The following MORF4L1 variants were observed in gnomAD, a reference collection of about 807,000 sequenced individuals.
MORF4L1 encodes the protein mortality factor 4-like protein 1.
A neutral mutation model predicts 52.9 loss-of-function variants in MORF4L1; 4 were observed. That is an observed-to-expected ratio of 0.08 (90% CI 0.04 to 0.17). The LOEUF is 0.17. Ranked by LOEUF, MORF4L1 falls within the 10% of genes least tolerant of loss-of-function variation. The pLI is 1.00. For synonymous variants in MORF4L1, 123 were observed against 134.8 expected (o/e 0.91, Z 0.61); for missense variants, 214 against 390.4 (o/e 0.55, Z 3.81).
chr15:78,879,381 C>G (rs1039272462), intron 2 of MORF4L1, among the ~76,000 whole-genome samples: 1 of 152,118 alleles, frequency 6.6e-6, no homozygotes, highest in Middle Eastern at 3.2e-3. Flanking sequence ...GCCACCACAC[C>G]TGGCTAATTT....
At chr15:78,879,910 G>C (rs150086538) in intron 2 of MORF4L1, among the ~76,000 whole-genome samples, 19 of 152,114 alleles carry the variant, frequency 1.2e-4, no homozygotes, top group African/African-American at 4.6e-4. Context: ...AACAATTTTC[G>C]AATTGAAGCT....
intron 1 of MORF4L1, among the ~76,000 whole-genome samples, chr15:78,875,177 G>C (rs1424227743): frequency 6.6e-6 from 1 of 152,154 alleles, no homozygotes; most frequent in Non-Finnish European, 1.5e-5. Context: ...GAAACTATTA[G>C]GCTCGTAGGG....
At position 78,885,224 on chromosome 15, in the gene MORF4L1, T is replaced by C. The variant is rs571241407; in HGVS notation, c.156-917T>C. The C allele has an allele frequency of 8.6e-5, 51 of 592,170 alleles. No individual in the cohort carries two copies. The African/African-American group carries it at 8.8e-4, about 10-fold the overall frequency. The allele number at this position is 592,170 out of a possible 1,614,324, so 36.7% of individuals were successfully genotyped here. ...AAAGTCTTAAATTTTTTTTTGTAAT[T>C]GGGTGCCTTGAGAGTACACCTAATT... On this transcript the variant is annotated intron_variant, in intron 3 of 11. Transcript: ENST00000426013.
chr15:78,889,917 AAAT>A (rs1425010450), intron 5 of MORF4L1, among the ~76,000 whole-genome samples: 2 of 152,038 alleles, frequency 1.3e-5, no homozygotes, highest in African/African-American at 2.4e-5. Flanking sequence ...TGTGGTCTAG[AAAT>A]AATAATGTAA....
intron 10 of MORF4L1, 48 bp downstream of exon 10, chr15:78,894,278 T>C: frequency 1.4e-6 from 2 of 1,451,464 alleles, no homozygotes; most frequent in Non-Finnish European, 1.9e-6. Flanking sequence ...TGGGGGGTCT[T>C]CTCTAAATGA....
intron 3 of MORF4L1, among the ~76,000 whole-genome samples, chr15:78,881,900 T>A (rs188108205): frequency 9.8e-5 from 15 of 152,332 alleles, no homozygotes; most frequent in Non-Finnish European, 2.2e-4. Context: ...TCTGTTACTA[T>A]GGAAGGAGTT....
At chr15:78,896,006 T>C (rs1249318354) in intron 11 of MORF4L1, among the ~76,000 whole-genome samples, 7 of 151,964 alleles carry the variant, frequency 4.6e-5, no homozygotes, top group Admixed American at 4.6e-4. Flanking sequence ...AGAGATGGAG[T>C]CTTGCTCTGT....
chr15:78,884,192 A>G (rs1215598774), intron 3 of MORF4L1, among the ~76,000 whole-genome samples: 1 of 135,872 alleles, frequency 7.4e-6, no homozygotes, highest in Non-Finnish European at 1.6e-5. Context: ...CGACAGAGCA[A>G]GACTCCATCT....
chr15:78,893,453 C>A (rs751575107), intron 8 of MORF4L1, 86 bp from the exon 9 acceptor site: 15 of 859,202 alleles, frequency 1.7e-5, no homozygotes, highest in Non-Finnish European at 2.4e-5. Context: ...GTTACTGTTA[C>A]CTGATCTTTG....
intron 3 of MORF4L1, among the ~76,000 whole-genome samples, chr15:78,882,659 A>T (rs1390752534): frequency 1.3e-5 from 2 of 152,212 alleles, no homozygotes; most frequent in East Asian, 1.9e-4. Context: ...ATTTCTCTAC[A>T]GGAAAGATAA....
At chr15:78,879,990 A>T (rs2056572266) in intron 2 of MORF4L1, among the ~76,000 whole-genome samples, 1 of 152,252 alleles carries the variant, frequency 6.6e-6, no homozygotes, top group African/African-American at 2.4e-5. Flanking sequence ...AAAACCAGAT[A>T]GTCATCACTT....
intron 5 of MORF4L1, among the ~76,000 whole-genome samples, chr15:78,887,682 C>A (rs765642448): frequency 6.6e-6 from 1 of 152,216 alleles, no homozygotes; most frequent in Non-Finnish European, 1.5e-5. Flanking sequence ...GCTAAAAATA[C>A]ATACGAATTA....
At chr15:78,874,999 T>A (rs1050891651) in intron 1 of MORF4L1, among the ~76,000 whole-genome samples, 1 of 152,154 alleles carries the variant, frequency 6.6e-6, no homozygotes. Context: ...ATTACAGTTA[T>A]GGAAGATGTT....
intron 1 of MORF4L1, among the ~76,000 whole-genome samples, chr15:78,875,559 C>A (rs2056469394): frequency 6.6e-6 from 1 of 152,042 alleles, no homozygotes. Flanking sequence ...CGGTGGATCA[C>A]CTGAGGTCAG....
chr15:78,875,300 T>C (rs1269202888), intron 1 of MORF4L1, among the ~76,000 whole-genome samples: 1 of 151,930 alleles, frequency 6.6e-6, no homozygotes, highest in Non-Finnish European at 1.5e-5. Flanking sequence ...AAGAGAGGAG[T>C]AGCAGCAGAG....
chr15:78,890,618 A>C (rs1398899485), intron 5 of MORF4L1: 2 of 155,452 alleles, frequency 1.3e-5, no homozygotes, highest in African/African-American at 4.8e-5. Flanking sequence ...AGTAGCTGGG[A>C]CTATAGGCGT....
At chr15:78,873,377 G>C (rs2056408023) in intron 1 of MORF4L1, among the ~76,000 whole-genome samples, 1 of 152,044 alleles carries the variant, frequency 6.6e-6, no homozygotes, top group African/African-American at 2.4e-5. Context: ...GGAGGCGACG[G>C]GAGCGCCATG....
Position 78,892,304 on chromosome 15 carries a change from G to A in MORF4L1, c.531G>A (p.Arg177=), listed in dbSNP as rs1232430577. The A allele has an allele frequency of 5.6e-6, 9 of 1,610,864 alleles. No homozygotes were observed. The highest frequency in any genetic ancestry group is 7.6e-6 in the Non-Finnish European group (9 of 1,177,372). ...WLVDDWDLIT[R]QKQLFYLPAK... ...TTGATGACTGGGACTTAATTACCAGGCAAAAACAGGTAACTTGAAAAGCTA... is the reference window on the plus strand; with the variant it reads ...TTGATGACTGGGACTTAATTACCAGACAAAAACAGGTAACTTGAAAAGCTA... Residue 177 remains arginine, a synonymous_variant, in exon 8 of 12, where the codon AGG becomes AGA. Coordinates refer to ENST00000426013, the MANE Select transcript of MORF4L1 (RefSeq NM_006791.4).
chr15:78,887,515 T>C, intron 5 of MORF4L1, 166 bp downstream of exon 5: 1 of 503,394 alleles, frequency 2.0e-6, no homozygotes. Context: ...AATAACGTAT[T>C]CCTTAATTTT....
Sources: allele counts gnomAD v4.1 joint callset (sites outside exome capture counted in the v4.1 genomes callset), GRCh38; gene constraint gnomAD v4.1.1; transcripts MANE v1.5; gene names NCBI Gene and HGNC (gene_info 2026-07-23, HGNC 2026-07-21).